Variants in ACADL observed in about 807,000 individuals in gnomAD.
ACADL encodes the protein long-chain specific acyl-CoA dehydrogenase, mitochondrial.
A neutral mutation model predicts 56.9 loss-of-function variants in ACADL; 60 were observed. That is an observed-to-expected ratio of 1.05 (90% CI 0.86 to 1.31). ACADL has a LOEUF of 1.31. Among genes scored for constraint, ACADL ranks in the 50% most tolerant of loss-of-function variants. The pLI is 0.00. For synonymous variants in ACADL, 158 were observed against 179.7 expected (o/e 0.88, Z 0.97); for missense variants, 484 against 525.5 (o/e 0.92, Z 0.77).
rs774633789 is a variant in ACADL, at chr2:210,205,729, G to A, written c.671C>T (p.Pro224Leu). ...AAGGCTAATACCATGGGCAGGGGAG[G>A]GAGCTTCATGATTTGTGACCGCAAC... ...IVVAVTNHEA[P>L]SPAHGISLFL... Residue 224 changes from proline (P) to leucine (L), a missense_variant, in exon 6 of 11, where the codon CCC becomes CTC. By Grantham distance (98) the Pro-to-Leu change is moderately conservative. Coordinates refer to ENST00000233710, the MANE Select transcript of ACADL (RefSeq NM_001608.4). 6.2e-7 allele frequency: 1 copy of A among 1,613,898 alleles called. No homozygotes were observed. Among genetic ancestry groups the A allele is most frequent in the South Asian group, 1.1e-5 (1 of 91,074 alleles).
chr2:210,198,102 A>G (rs140094775), intron 8 of ACADL, among the ~76,000 whole-genome samples: 1 of 152,326 alleles, frequency 6.6e-6, no homozygotes, highest in Non-Finnish European at 1.5e-5. Context: ...TCATAGCAGT[A>G]TTTTTAAGTC....
At chr2:210,211,144 T>A (rs1688971730) in intron 4 of ACADL, among the ~76,000 whole-genome samples, 1 of 152,218 alleles carries the variant, frequency 6.6e-6, no homozygotes, top group Non-Finnish European at 1.5e-5. Flanking sequence ...ATCTTTCCAA[T>A]ATTTTTCTAT....
At chr2:210,190,900 T>A in intron 10 of ACADL, among the ~76,000 whole-genome samples, 1 of 141,562 alleles carries the variant, frequency 7.1e-6, no homozygotes. Context: ...TATGTGGCTT[T>A]TTTGTTGTTG....
At chr2:210,223,833 ATAAAC>A (rs1349735318) in intron 1 of ACADL, among the ~76,000 whole-genome samples, 4 of 152,214 alleles carry the variant, frequency 2.6e-5, no homozygotes, top group African/African-American at 4.8e-5. Flanking sequence ...TAACTTTTAA[ATAAAC>A]TAAATATCTG....
intron 1 of ACADL, 110 bp from the exon 2 acceptor site, chr2:210,220,912 A>T: frequency 2.2e-6 from 2 of 901,474 alleles, no homozygotes; most frequent in South Asian, 3.1e-5. Flanking sequence ...CTTGAGAGGC[A>T]AGTAGAAAGA....
Position 210,217,959 on chromosome 2 carries a change from A to G in ACADL, c.371+6T>C. 1.2e-6 allele frequency: 2 copies of G among 1,614,012 alleles called. No individual in the cohort carries two copies. The highest frequency in any genetic ancestry group is 1.1e-5 in the South Asian group (1 of 91,070). ...AAGACTCAACCTTAAAAGTCTCCATACTTACTGCTCCTCCCAGACAATAGC... is the reference window on the plus strand; with the variant it reads ...AAGACTCAACCTTAAAAGTCTCCATGCTTACTGCTCCTCCCAGACAATAGC... On this transcript the variant is annotated splice_donor_region_variant and intron_variant, in intron 3 of 10. Coordinates refer to ENST00000233710, the MANE Select transcript of ACADL (RefSeq NM_001608.4).
intron 2 of ACADL, 41 bp from the exon 3 acceptor site, chr2:210,218,143 T>C: frequency 1.9e-6 from 3 of 1,546,728 alleles, no homozygotes; most frequent in Non-Finnish European, 1.8e-6. Context: ...AATTTTTAAA[T>C]ATTATTTAAA....
chr2:210,195,239 A>G lies in ACADL; in HGVS notation c.1084T>C (p.Ser362Pro), dbSNP rs1410543387. Residue 362 changes from serine to proline, a missense_variant, in exon 9 of 11, where the codon TCC becomes CCC. Transcript: ENST00000233710. ...LQLHEAKRLDSATACMAKYWA... is the reference protein window; with the variant it reads ...LQLHEAKRLDPATACMAKYWA... Reference sequence around the variant, plus strand: ...TATTTCGCCATGCAAGCAGTGGCGGAGTCCAAACGTTTCGCTTCATGCAGC... The same window carrying G: ...TATTTCGCCATGCAAGCAGTGGCGGGGTCCAAACGTTTCGCTTCATGCAGC... 6.2e-7 allele frequency: 1 copy of G among 1,613,960 alleles called. No homozygotes were observed. The highest frequency in any genetic ancestry group is 1.1e-5 in the South Asian group (1 of 91,086).
chr2:210,220,398 T>A (rs1466027196), intron 2 of ACADL, among the ~76,000 whole-genome samples: 1 of 152,184 alleles, frequency 6.6e-6, no homozygotes, highest in Non-Finnish European at 1.5e-5. Context: ...ACCCATGGTT[T>A]TCAAAAACAC....
At chr2:210,220,210 A>C (rs1488441908) in intron 2 of ACADL, among the ~76,000 whole-genome samples, 2 of 152,162 alleles carry the variant, frequency 1.3e-5, no homozygotes, top group South Asian at 2.1e-4. Context: ...TTGTAATAGA[A>C]ATAGATAAGT....
chr2:210,207,967 T>C (rs1688915890), intron 5 of ACADL, among the ~76,000 whole-genome samples: 1 of 152,160 alleles, frequency 6.6e-6, no homozygotes, highest in Admixed American at 6.5e-5. Context: ...TCAAAAAAAT[T>C]CTATACAACT....
intron 4 of ACADL, among the ~76,000 whole-genome samples, chr2:210,214,503 G>GAAAGAAAGAAAGAAAGAA (rs1553691033): frequency 1.3e-5 from 2 of 150,510 alleles, no homozygotes; most frequent in South Asian, 2.1e-4. Context: ...AAGAAAGAAA[G>GAAAGAAAGAAAGAAAGAA]AAAGAAAAAG....
intron 3 of ACADL, 21 bp from the exon 4 acceptor site, chr2:210,216,532 A>C: frequency 6.2e-7 from 1 of 1,605,804 alleles, no homozygotes; most frequent in Non-Finnish European, 8.5e-7. Flanking sequence ...AAAAAGAAGA[A>C]AAATTAGAGC....
intron 8 of ACADL, 32 bp from the exon 9 acceptor site, chr2:210,195,370 G>C: frequency 6.3e-7 from 1 of 1,595,858 alleles, no homozygotes; most frequent in Non-Finnish European, 8.6e-7. Flanking sequence ...AGAAAAAAGT[G>C]AGCATGGTAG....
intron 8 of ACADL, among the ~76,000 whole-genome samples, chr2:210,201,892 A>G (rs1281740318): frequency 1.3e-5 from 2 of 152,166 alleles, no homozygotes; most frequent in East Asian, 3.9e-4. Context: ...GGTAAACACA[A>G]TCATCTGTCT....
chr2:210,224,644 C>G (rs1371863327), intron 1 of ACADL: 1 of 985,520 alleles, frequency 1.0e-6, no homozygotes, highest in African/African-American at 1.7e-5. Context: ...TGATGGAACC[C>G]TCGCCAGGTC....
Position 210,207,574 on chromosome 2 carries a change from G to T in ACADL, c.604-1778C>A, listed in dbSNP as rs563614613. On this transcript the variant is annotated intron_variant, in intron 5 of 10. Transcript: ENST00000233710. ...GTTTAGACATCAGATTGGCCAAAAG[G>T]TCTCAAATTCTCCAGGCTGGGTTAA... Among the ~76,000 whole-genome samples the T allele has an allele frequency of 9.2e-5, 14 of 152,216 alleles. No individual in the cohort carries two copies. The South Asian group carries it at 1.9e-3, about 20-fold the overall frequency.
chr2:210,216,943 C>T (rs1051944524), intron 3 of ACADL, among the ~76,000 whole-genome samples: 1 of 151,282 alleles, frequency 6.6e-6, no homozygotes, highest in Admixed American at 6.6e-5. Flanking sequence ...GACCAAAAAA[C>T]AAAACAAAAC....
rs1315639407 is a variant in ACADL, at chr2:210,188,190, A to G, written c.*771T>C. 6.6e-6 allele frequency: 1 copy of G among 152,264 alleles called. No homozygotes were observed. The highest frequency in any genetic ancestry group is 1.5e-5 in the Non-Finnish European group (1 of 68,052). The allele number at this position is 152,264 out of a possible 1,614,324, so 9.4% of individuals were successfully genotyped here. ...CATAAAGTAATTATTAAGTTAATAAATACATTAACTGTTGCAAAAGAAAAG... is the reference window on the plus strand; with the variant it reads ...CATAAAGTAATTATTAAGTTAATAAGTACATTAACTGTTGCAAAAGAAAAG... On this transcript the variant is annotated 3_prime_UTR_variant, in exon 11 of 11. Coordinates refer to ENST00000233710, the MANE Select transcript of ACADL (RefSeq NM_001608.4).
Sources: allele counts gnomAD v4.1 joint callset (sites outside exome capture counted in the v4.1 genomes callset), GRCh38; gene constraint gnomAD v4.1.1; transcripts MANE v1.5; gene names NCBI Gene and HGNC (gene_info 2026-07-23, HGNC 2026-07-21).